SLC44A1: variants seen among roughly 807,000 people sequenced by gnomAD.
The protein encoded by SLC44A1 is solute carrier family 44 member 1.
SLC44A1 carries 26 observed loss-of-function variants against 79.3 expected under a neutral mutation model. That is an observed-to-expected ratio of 0.33 (90% CI 0.24 to 0.46). The LOEUF is 0.46. Ranked by LOEUF, SLC44A1 falls within the 20% of genes least tolerant of loss-of-function variation. The probability of loss-of-function intolerance (pLI) is 1.00; values close to 1 mark genes in which losing one functional copy is unlikely to be tolerated. For missense variants in SLC44A1, 688 were observed against 798.1 expected, an observed-to-expected ratio of 0.86 and a Z score of 1.66; for synonymous variants, 263 against 286.2, an observed-to-expected ratio of 0.92 and a Z score of 0.82.
At chr9:105,313,359 CAA>C (rs1831231125) in intron 3 of SLC44A1, among the ~76,000 whole-genome samples, 1 of 152,192 alleles carries the variant, frequency 6.6e-6, no homozygotes, top group African/African-American at 2.4e-5. Flanking sequence ...TGGCTTAAAA[CAA>C]GACACATCTG....
chr9:105,356,079 C>T (rs1827613593), intron 5 of SLC44A1, 133 bp from the exon 6 acceptor site: 2 of 690,028 alleles, frequency 2.9e-6, no homozygotes, highest in Non-Finnish European at 5.0e-6. Flanking sequence ...GCACACAGCT[C>T]TTAGCTCCCA....
At chr9:105,287,198 T>C (rs896859222) in intron 1 of SLC44A1, among the ~76,000 whole-genome samples, 3 of 152,034 alleles carry the variant, frequency 2.0e-5, no homozygotes, top group Non-Finnish European at 2.9e-5. Context: ...TTTAAAACTT[T>C]AAGACCTCAC....
At chr9:105,267,021 T>G (rs527935334) in intron 1 of SLC44A1, among the ~76,000 whole-genome samples, 2 of 152,318 alleles carry the variant, frequency 1.3e-5, no homozygotes, top group East Asian at 3.9e-4. Context: ...GTGTTATTTT[T>G]CTTGGTTTAT....
chr9:105,429,148 A>G (rs1476367978), intron 15 of SLC44A1, among the ~76,000 whole-genome samples: 1 of 152,190 alleles, frequency 6.6e-6, no homozygotes, highest in African/African-American at 2.4e-5. Context: ...TCCTTGTCTC[A>G]CTCACAGGTA....
downstream of SLC44A1, among the ~76,000 whole-genome samples, chr9:105,398,147 T>C (rs201252419): frequency 6.6e-6 from 1 of 152,104 alleles, no homozygotes; most frequent in East Asian, 1.9e-4. Flanking sequence ...TTTAGAAAAA[T>C]CAAGCTTTTT....
intron 2 of SLC44A1, among the ~76,000 whole-genome samples, chr9:105,301,047 G>C (rs1236370478): frequency 1.3e-5 from 2 of 152,182 alleles, no homozygotes; most frequent in African/African-American, 4.8e-5. Context: ...TGGGATTACA[G>C]GCGTGAGCCA....
At chr9:105,351,576 GAAAGAGAGAA>G (rs1827418929) in intron 5 of SLC44A1, among the ~76,000 whole-genome samples, 2 of 128,824 alleles carry the variant, frequency 1.6e-5, no homozygotes, top group African/African-American at 6.8e-5. Flanking sequence ...GAGAAAGAGA[GAAAGAGAGAA>G]AGAGAGAAAG....
downstream of SLC44A1, among the ~76,000 whole-genome samples, chr9:105,398,740 G>A (rs1177811952): frequency 6.6e-6 from 1 of 152,156 alleles, no homozygotes; most frequent in African/African-American, 2.4e-5. Flanking sequence ...ATGTTGAAGG[G>A]TTCAGAAAGA....
chr9:105,276,044 G>A (rs1830192734), intron 1 of SLC44A1, among the ~76,000 whole-genome samples: 1 of 152,026 alleles, frequency 6.6e-6, no homozygotes, highest in Admixed American at 6.6e-5. Context: ...GGCCTCAGGT[G>A]ATCCGCCCAC....
chr9:105,412,660 G>A (rs1829111877), intron 15 of SLC44A1, among the ~76,000 whole-genome samples: 1 of 151,928 alleles, frequency 6.6e-6, no homozygotes, highest in South Asian at 2.1e-4. Flanking sequence ...GGAGTGCAGT[G>A]GCGCCATCTC....
intron 15 of SLC44A1, among the ~76,000 whole-genome samples, chr9:105,420,864 A>G (rs1185107039): frequency 4.9e-5 from 7 of 144,086 alleles, no homozygotes; most frequent in African/African-American, 1.6e-4. Context: ...TCCATCTCAA[A>G]AAAAAAAAAA....
chr9:105,325,261 C>CA (rs1244059485), intron 3 of SLC44A1, among the ~76,000 whole-genome samples: 4 of 152,128 alleles, frequency 2.6e-5, no homozygotes, highest in Non-Finnish European at 5.9e-5. Flanking sequence ...ACATATGGTA[C>CA]AATTCTCTTT....
At chr9:105,381,173 A>G (rs1828451253) in intron 13 of SLC44A1, among the ~76,000 whole-genome samples, 1 of 152,072 alleles carries the variant, frequency 6.6e-6, no homozygotes, top group Non-Finnish European at 1.5e-5. Flanking sequence ...GCCCTCCAAG[A>G]GGGTGAATGT....
intron 1 of SLC44A1, among the ~76,000 whole-genome samples, chr9:105,268,873 T>C (rs977309606): frequency 1.3e-5 from 2 of 152,228 alleles, no homozygotes; most frequent in African/African-American, 4.8e-5. Flanking sequence ...TTCTGGATTC[T>C]TAATGTTGCC....
intron 3 of SLC44A1, among the ~76,000 whole-genome samples, chr9:105,329,585 G>T (rs971905930): frequency 1.3e-5 from 2 of 152,128 alleles, no homozygotes; most frequent in Non-Finnish European, 2.9e-5. Context: ...CCATACCAGG[G>T]TATCACTGTT....
At chr9:105,329,668 T>C (rs1826690253) in intron 3 of SLC44A1, among the ~76,000 whole-genome samples, 1 of 152,122 alleles carries the variant, frequency 6.6e-6, no homozygotes, top group South Asian at 2.1e-4. Context: ...ACGGCTACAT[T>C]TTCTATCCCC....
rs148529622 is a variant in SLC44A1, at chr9:105,358,008, T to C, written c.671-336T>C. Among the ~76,000 whole-genome samples, 887 of 152,366 alleles carry C rather than the reference T, an allele frequency of 5.8e-3. 6 individuals carry two copies. The highest frequency in any genetic ancestry group is 7.0e-3 in the Non-Finnish European group (478 of 68,028). ...ACATGACATGTCATTCTCTACACTT[T>C]GTGTGCTGGCATGTATGTTTGCATG... On this transcript the variant is annotated intron_variant, in intron 6 of 15. Coordinates refer to ENST00000374720, the MANE Select transcript of SLC44A1 (RefSeq NM_080546.5).
chr9:105,298,864 C>G (rs749859257), intron 1 of SLC44A1, among the ~76,000 whole-genome samples: 1 of 151,914 alleles, frequency 6.6e-6, no homozygotes, highest in Non-Finnish European at 1.5e-5. Flanking sequence ...TGTTAGATGC[C>G]GAGAAATAAG....
At chr9:105,257,489 C>T (rs1829739507) in intron 1 of SLC44A1, among the ~76,000 whole-genome samples, 1 of 152,110 alleles carries the variant, frequency 6.6e-6, no homozygotes, top group African/African-American at 2.4e-5. Context: ...TCTTGGCCTC[C>T]GAAGTGCTGG....
Sources: allele counts gnomAD v4.1 joint callset (sites outside exome capture counted in the v4.1 genomes callset), GRCh38; gene constraint gnomAD v4.1.1; transcripts MANE v1.5; gene names NCBI Gene and HGNC (gene_info 2026-07-23, HGNC 2026-07-21).